The following FRYL variants were observed in gnomAD, a reference collection of about 807,000 sequenced individuals.
The protein encoded by FRYL is protein furry homolog-like.
A neutral mutation model predicts 351.2 loss-of-function variants in FRYL; 150 were observed. The ratio of observed to expected loss-of-function variants is 0.43; its 90% CI spans 0.37 to 0.49. The LOEUF is 0.49. Among genes scored for constraint, FRYL ranks in the 20% least tolerant of loss-of-function variants. The pLI is 0.00. For missense variants in FRYL, 3,036 were observed against 3,619.3 expected, an observed-to-expected ratio of 0.84 and a Z score of 4.13; for synonymous variants, 1,153 against 1,257.1, an observed-to-expected ratio of 0.92 and a Z score of 1.75.
intron 47 of FRYL, among the ~76,000 whole-genome samples, chr4:48,536,938 G>A (rs1334213618): frequency 1.3e-5 from 2 of 152,060 alleles, no homozygotes; most frequent in African/African-American, 4.8e-5. Context: ...ATGCAAGGTC[G>A]TGCATAGACT....
At chr4:48,619,927 TAAG>T (rs2149319549) in intron 6 of FRYL, among the ~76,000 whole-genome samples, 1 of 152,338 alleles carries the variant, frequency 6.6e-6, no homozygotes, top group South Asian at 2.1e-4. Context: ...AAAGAATTAG[TAAG>T]AAGAAGAAAA....
chr4:48,685,228 TTAA>T (rs1355628078), intron 2 of FRYL, among the ~76,000 whole-genome samples: 2 of 152,188 alleles, frequency 1.3e-5, no homozygotes, highest in East Asian at 1.9e-4. Flanking sequence ...AATGCTTACA[TTAA>T]TAATCATCTA....
At chr4:48,664,988 G>A (rs1052429168) in intron 3 of FRYL, among the ~76,000 whole-genome samples, 1 of 152,040 alleles carries the variant, frequency 6.6e-6, no homozygotes, top group African/African-American at 2.4e-5. Context: ...GCTATAAGTG[G>A]GTTTCTAAAA....
chr4:48,663,693 T>C (rs550178518), intron 3 of FRYL, among the ~76,000 whole-genome samples: 14 of 138,658 alleles, frequency 1.0e-4, no homozygotes, highest in African/African-American at 3.2e-4. Context: ...GAGAATGGCG[T>C]GAACCCGGGA....
chr4:48,565,910 T>C (rs183948962), intron 28 of FRYL, among the ~76,000 whole-genome samples: 47 of 152,298 alleles, frequency 3.1e-4, no homozygotes, highest in Admixed American at 9.8e-4. Context: ...TTACATGACA[T>C]AGAGCATCTC....
intron 7 of FRYL, among the ~76,000 whole-genome samples, chr4:48,614,721 CAAAAAA>C (rs1161734085): frequency 4.2e-5 from 2 of 47,124 alleles, no homozygotes; most frequent in African/African-American, 9.4e-5. Flanking sequence ...GACTCCATCT[CAAAAAA>C]AAAAAAAAAA....
chr4:48,633,461 A>G (rs1560756914), intron 4 of FRYL, among the ~76,000 whole-genome samples: 1 of 152,182 alleles, frequency 6.6e-6, no homozygotes, highest in Non-Finnish European at 1.5e-5. Flanking sequence ...AAGAATTTCC[A>G]ACTACCAATC....
intron 1 of FRYL, among the ~76,000 whole-genome samples, chr4:48,769,142 T>C (rs1334742099): frequency 6.6e-6 from 1 of 151,988 alleles, no homozygotes; most frequent in Non-Finnish European, 1.5e-5. Context: ...TCAAAAAAAA[T>C]AAATAACAGA....
intron 1 of FRYL, among the ~76,000 whole-genome samples, chr4:48,739,400 CA>C (rs1370572101): frequency 0.024 from 806 of 33,620 alleles, 7 homozygotes; most frequent in African/African-American, 0.055. Flanking sequence ...GACTCCGTCT[CA>C]AAAAAAAAAA....
At chr4:48,640,748 T>C (rs1317469263) in intron 3 of FRYL, among the ~76,000 whole-genome samples, 3 of 152,176 alleles carry the variant, frequency 2.0e-5, no homozygotes, top group African/African-American at 7.2e-5. Flanking sequence ...AACTCTCTAC[T>C]TTCTACTCAA....
chr4:48,645,484 A>C (rs991456818), intron 3 of FRYL, among the ~76,000 whole-genome samples: 4 of 152,130 alleles, frequency 2.6e-5, no homozygotes, highest in African/African-American at 9.7e-5. Flanking sequence ...TGGCAAACAT[A>C]TAAGAATTTG....
At chr4:48,616,930 A>G (rs1454963546) in intron 7 of FRYL, among the ~76,000 whole-genome samples, 1 of 152,198 alleles carries the variant, frequency 6.6e-6, no homozygotes, top group Non-Finnish European at 1.5e-5. Context: ...CTGACAGAAG[A>G]AAATTGGGTT....
At chr4:48,768,128 T>G (rs1335364302) in intron 1 of FRYL, among the ~76,000 whole-genome samples, 1 of 152,226 alleles carries the variant, frequency 6.6e-6, no homozygotes, top group East Asian at 1.9e-4. Flanking sequence ...AGGTGGCAGT[T>G]GCACACCCTG....
chr4:48,515,534 AT>A (rs375517979), intron 55 of FRYL, among the ~76,000 whole-genome samples: 3,314 of 148,936 alleles, frequency 0.022, 123 homozygotes, highest in African/African-American at 0.078. Flanking sequence ...TGCCCAGCTA[AT>A]TTTTTTTTTG....
intron 2 of FRYL, among the ~76,000 whole-genome samples, chr4:48,704,559 T>C (rs566047772): frequency 1.3e-5 from 2 of 152,134 alleles, no homozygotes; most frequent in South Asian, 4.1e-4. Flanking sequence ...ACGTCTGTAA[T>C]CCCAGCACAT....
At chr4:48,560,119 T>A (rs570938162) in intron 33 of FRYL, among the ~76,000 whole-genome samples, 146 of 151,842 alleles carry the variant, frequency 9.6e-4, no homozygotes, top group African/African-American at 3.3e-3. Flanking sequence ...AGGGAAAGGA[T>A]GTGAGGAGCA....
chr4:48,677,940 GCTAAACCACTGCATTATCTCTATCC>G (rs1209814864), intron 3 of FRYL, among the ~76,000 whole-genome samples: 4 of 152,100 alleles, frequency 2.6e-5, no homozygotes, highest in Admixed American at 2.6e-4. Flanking sequence ...ATGACTTCTG[GCTAAACCACTGCATTATCTCTATCC>G]CAGAACCACC....
At chr4:48,543,090 T>C (rs1730589417) in intron 44 of FRYL, among the ~76,000 whole-genome samples, 1 of 152,188 alleles carries the variant, frequency 6.6e-6, no homozygotes, top group Non-Finnish European at 1.5e-5. Context: ...AGAAAAGCCC[T>C]ACTGCTTCTG....
At chr4:48,750,928 T>C (rs921370165) in intron 1 of FRYL, among the ~76,000 whole-genome samples, 5 of 152,202 alleles carry the variant, frequency 3.3e-5, no homozygotes, top group Non-Finnish European at 5.9e-5. Context: ...CAGACTTCCC[T>C]TGTGTATCAC....
Sources: allele counts gnomAD v4.1 joint callset (sites outside exome capture counted in the v4.1 genomes callset), GRCh38; gene constraint gnomAD v4.1.1; transcripts MANE v1.5; gene names NCBI Gene and HGNC (gene_info 2026-07-23, HGNC 2026-07-21).